ITSN1: variants seen among roughly 807,000 people sequenced by gnomAD.
ITSN1 encodes the protein intersectin 1.
A neutral mutation model predicts 239.8 loss-of-function variants in ITSN1; 58 were observed. That is an observed-to-expected ratio of 0.24 (90% CI 0.20 to 0.30). The LOEUF (loss-of-function observed/expected upper bound fraction) is 0.30, where lower values mean the gene tolerates loss of function less well. Ranked by LOEUF, ITSN1 falls within the 10% of genes least tolerant of loss-of-function variation. ITSN1 has a pLI of 1.00. For synonymous variants in ITSN1, 780 were observed against 770.8 expected, an observed-to-expected ratio of 1.01 and a Z score of -0.20; for missense variants, 1,558 against 2,103.3, an observed-to-expected ratio of 0.74 and a Z score of 5.07.
rs1347908602 is a variant in ITSN1, at chr21:33,774,967, G to A, written c.1456-1G>A. 1.2e-6 allele frequency: 2 copies of A among 1,610,418 alleles called. No homozygotes were observed. The highest frequency in any genetic ancestry group is 1.7e-6 in the Non-Finnish European group (2 of 1,178,416). ...TTTTTATTATCTTTCATTTGTTCAAGAATGATAAAAAGCATCAACTAGAAG... is the reference window on the plus strand; with the variant it reads ...TTTTTATTATCTTTCATTTGTTCAAAAATGATAAAAAGCATCAACTAGAAG... On this transcript the variant is annotated splice_acceptor_variant, in intron 13 of 39. Transcript: ENST00000381318. LOFTEE classifies it high-confidence loss of function.
chr21:33,647,032 T>C (rs987554870), intron 1 of ITSN1, among the ~76,000 whole-genome samples: 4 of 152,012 alleles, frequency 2.6e-5, no homozygotes, highest in Admixed American at 1.3e-4. Flanking sequence ...CTTGGTACTA[T>C]GTATAATTTT....
intron 5 of ITSN1, among the ~76,000 whole-genome samples, chr21:33,737,638 A>C (rs748290146): frequency 1.2e-4 from 18 of 152,110 alleles, no homozygotes; most frequent in Non-Finnish European, 2.1e-4. Context: ...CAGTAGCATG[A>C]TCTTGGCTCA....
chr21:33,801,189 T>A (rs2071977386), intron 19 of ITSN1, among the ~76,000 whole-genome samples: 1 of 152,174 alleles, frequency 6.6e-6, no homozygotes, highest in Non-Finnish European at 1.5e-5. Context: ...TGTAAAGAAC[T>A]GTGAAAGTTA....
intron 20 of ITSN1, among the ~76,000 whole-genome samples, chr21:33,805,383 C>T (rs1481745872): frequency 1.3e-5 from 2 of 152,136 alleles, no homozygotes; most frequent in Non-Finnish European, 2.9e-5. Flanking sequence ...GCCAACAATA[C>T]CTTTTTCCTC....
In ITSN1 at chr21:33,865,077, G is replaced by A. The variant is rs543903455; in HGVS notation, c.3891-74G>A. The A allele has an allele frequency of 1.7e-5, 25 of 1,447,418 alleles. No homozygotes were observed. In the East Asian group the frequency reaches 2.4e-4, roughly 14 times the overall value. 89.7% of individuals were successfully genotyped at this position (1,447,418 alleles called of 1,614,324 possible). On this transcript the variant is annotated intron_variant, in intron 31 of 39. Transcript: ENST00000381318. The surrounding 1 kb of genome is among the most constrained non-coding windows in gnomAD (Gnocchi z 4.4). ...TGCCCCTCACACACATTCTGTTTCT[G>A]TGCAACCTAAGTGTGCTGTGGTGCT...
chr21:33,679,852 C>A (rs994739038), intron 1 of ITSN1, among the ~76,000 whole-genome samples: 4 of 151,768 alleles, frequency 2.6e-5, no homozygotes, highest in Non-Finnish European at 4.4e-5. Context: ...TGCCCGCCCC[C>A]ACATCCAGCT....
rs573262741 is a variant in ITSN1 at position 33,893,975 on chromosome 21, T to C, written c.*5675T>C. On this transcript the variant is annotated 3_prime_UTR_variant, in exon 40 of 40. Coordinates refer to ENST00000381318, the MANE Select transcript of ITSN1 (RefSeq NM_003024.3). ...ACACCAAGACACACTAGACAGTCCA[T>C]CTCTGGGTTGTGATCTCTCAGAAAC... 2 of 152,272 alleles carry C rather than the reference T, an allele frequency of 1.3e-5. No homozygotes were observed. The highest frequency in any genetic ancestry group is 3.9e-4 in the East Asian group (2 of 5,180). The allele number at this position is 152,272 out of a possible 1,614,324, so 9.4% of individuals were successfully genotyped here.
intron 8 of ITSN1, among the ~76,000 whole-genome samples, chr21:33,756,550 A>G (rs1167261592): frequency 6.6e-6 from 1 of 152,152 alleles, no homozygotes; most frequent in Non-Finnish European, 1.5e-5. Flanking sequence ...CTCCCAAAAG[A>G]AAAAAGGTAT....
rs767307257 is a variant in ITSN1 at position 33,875,343 on chromosome 21, C to T, written c.4174-11C>T. The T allele has an allele frequency of 1.9e-6, 3 of 1,614,048 alleles. No individual in the cohort carries two copies. The highest frequency in any genetic ancestry group is 1.3e-5 in the African/African-American group (1 of 75,054). On this transcript the variant is annotated splice_polypyrimidine_tract_variant and intron_variant, in intron 33 of 39. Transcript: ENST00000381318. Reference sequence around the variant, plus strand: ...CTAAAAGGAGGTGGTTGTTTTTATTCTCCTGTGTAGATCCTGGAAAACACC... The same window carrying T: ...CTAAAAGGAGGTGGTTGTTTTTATTTTCCTGTGTAGATCCTGGAAAACACC...
intron 1 of ITSN1, among the ~76,000 whole-genome samples, chr21:33,681,451 G>C (rs1052031874): frequency 6.6e-6 from 1 of 151,882 alleles, no homozygotes; most frequent in Admixed American, 6.6e-5. Flanking sequence ...AACGTATTCT[G>C]AGGCAGGAGA....
At chr21:33,847,252 G>A (rs1293369999) in intron 29 of ITSN1, among the ~76,000 whole-genome samples, 1 of 152,210 alleles carries the variant, frequency 6.6e-6, no homozygotes, top group African/African-American at 2.4e-5. Flanking sequence ...CCAGGAACCG[G>A]TCAGCCAAGG....
chr21:33,659,497 A>G (rs62227740), intron 1 of ITSN1, among the ~76,000 whole-genome samples: 27,448 of 152,038 alleles, frequency 0.18, 3,057 homozygotes, highest in Non-Finnish European at 0.23. Flanking sequence ...AGTCTGCACT[A>G]ACTCCGGTAG....
At chr21:33,809,053 T>G (rs2072696478) in intron 20 of ITSN1, among the ~76,000 whole-genome samples, 1 of 152,250 alleles carries the variant, frequency 6.6e-6, no homozygotes, top group Non-Finnish European at 1.5e-5. Flanking sequence ...TCTAGCCATT[T>G]GAGTTCAGCA....
At chr21:33,695,195 T>C (rs543890330) in intron 1 of ITSN1, among the ~76,000 whole-genome samples, 1 of 152,352 alleles carries the variant, frequency 6.6e-6, no homozygotes, top group East Asian at 1.9e-4. Context: ...ACCAGTGGTG[T>C]GAGAGAGGGT....
chr21:33,752,405 A>G (rs1482270178), intron 7 of ITSN1, among the ~76,000 whole-genome samples: 1 of 152,220 alleles, frequency 6.6e-6, no homozygotes, highest in Non-Finnish European at 1.5e-5. Flanking sequence ...AGAATTATCC[A>G]GATAGTGGAC....
chr21:33,713,995 G>A (rs748536335), intron 1 of ITSN1, among the ~76,000 whole-genome samples: 1 of 151,762 alleles, frequency 6.6e-6, no homozygotes, highest in Non-Finnish European at 1.5e-5. Flanking sequence ...CCACCACACC[G>A]GGCTAATTTT....
In ITSN1 at chr21:33,817,328, T is replaced by C. The variant is rs1297230478; in HGVS notation, c.2728-939T>C. ...CCCCTGCAGTGTTCCACCTCGAGGC[T>C]TTTGCCCATGCTGCGCCCTCGGCCT... On this transcript the variant is annotated intron_variant, in intron 22 of 39. Transcript: ENST00000381318. 2.3e-6 allele frequency: 3 copies of C among 1,304,410 alleles called. No individual in the cohort carries two copies. In the South Asian group the frequency reaches 3.7e-5, roughly 16 times the overall value. The allele number at this position is 1,304,410 out of a possible 1,614,324, so 80.8% of individuals were successfully genotyped here. A position where few individuals can be genotyped will look rare whatever the true frequency, so the allele number is the denominator to read the frequency against.
chr21:33,723,758 T>C (rs1393380951), intron 4 of ITSN1, among the ~76,000 whole-genome samples: 3 of 152,190 alleles, frequency 2.0e-5, no homozygotes, highest in Non-Finnish European at 2.9e-5. Flanking sequence ...GGTTATAGTT[T>C]TGTGAGAGTT....
At chr21:33,826,598 T>G (rs193248771) in intron 25 of ITSN1, among the ~76,000 whole-genome samples, 72 of 152,338 alleles carry the variant, frequency 4.7e-4, no homozygotes, top group East Asian at 4.0e-3. Flanking sequence ...ACTCTGCTGT[T>G]TTTTTCTCTT....
Sources: gnomAD v4.1 joint callset for allele counts (sites outside exome capture counted in the v4.1 genomes callset) on GRCh38, gnomAD v4.1.1 for gene constraint, Gnocchi (gnomAD v3.1) non-coding constraint, MANE v1.5 for transcripts, NCBI Gene and HGNC (gene_info 2026-07-23, HGNC 2026-07-21) for gene names.